The following TNFRSF10A variants were observed in gnomAD, a reference collection of about 807,000 sequenced individuals.
The protein encoded by TNFRSF10A is tumor necrosis factor receptor superfamily member 10A.
In TNFRSF10A, 44 loss-of-function variants were observed where a neutral mutation model predicts 42.8. The observed-to-expected ratio is 1.03, with a 90% CI of 0.81 to 1.32. TNFRSF10A has a LOEUF of 1.32. Ranked by LOEUF, TNFRSF10A falls within the 40% of genes most tolerant of loss-of-function variation. The pLI, the probability that TNFRSF10A is intolerant of heterozygous loss-of-function variation, is 0.00. For synonymous variants in TNFRSF10A, 259 were observed against 234.2 expected (o/e 1.11, Z -0.97); for missense variants, 680 against 602.0 (o/e 1.13, Z -1.36).
chr8:23,199,320 C>T lies in TNFRSF10A; in HGVS notation c.960G>A (p.Pro320=), dbSNP rs535712626. ...GTACAGTGACACCTGTCAAATCTGC[C>T]GGCTCCTGGCTTTCCATTTGCTGCT... ...VSEQQMESQE[P]ADLTGVTVQS... The change falls in exon 8 of 10, where the codon CCG becomes CCA. Residue 320 remains proline, a synonymous_variant. Coordinates refer to ENST00000221132, the MANE Select transcript of TNFRSF10A (RefSeq NM_003844.4). The T allele has an allele frequency of 5.2e-5, 84 of 1,614,182 alleles. No homozygotes were observed. The South Asian group carries it at 6.3e-4, about 12-fold the overall frequency.
intron 9 of TNFRSF10A, 95 bp downstream of exon 9, chr8:23,197,037 G>T: frequency 6.5e-7 from 1 of 1,530,062 alleles, no homozygotes; most frequent in Non-Finnish European, 9.1e-7. Flanking sequence ...GGCATGGAAT[G>T]CTCTGGAAGA....
At position 23,202,762 on chromosome 8, in the gene TNFRSF10A, C is replaced by A; in HGVS notation, c.404-1G>T. The stretch of plus-strand genomic sequence containing the variant: ...CCAGGATGTTCTGATCTATGAGATC[C>A]TGGGAAGGGAGAGAAAAGCCAATGA... On this transcript the variant is annotated splice_acceptor_variant, in intron 2 of 9. Coordinates refer to ENST00000221132, the MANE Select transcript of TNFRSF10A (RefSeq NM_003844.4). LOFTEE classifies it high-confidence loss of function. The A allele has an allele frequency of 6.2e-7, 1 of 1,605,624 alleles. No individual in the cohort carries two copies. Among genetic ancestry groups the A allele is most frequent in the Non-Finnish European group, 8.5e-7 (1 of 1,172,482 alleles).
chr8:23,192,415 C>T (rs1800769220), intron 9 of TNFRSF10A, among the ~76,000 whole-genome samples: 1 of 152,178 alleles, frequency 6.6e-6, no homozygotes, highest in Non-Finnish European at 1.5e-5. Flanking sequence ...CCAGGGTGGC[C>T]ACTTCTGCAT....
At chr8:23,218,064 G>T (rs573629151) in intron 1 of TNFRSF10A, among the ~76,000 whole-genome samples, 2 of 152,198 alleles carry the variant, frequency 1.3e-5, no homozygotes, top group Non-Finnish European at 2.9e-5. Flanking sequence ...GTTTGTGGGC[G>T]TCTGATTAAG....
At chr8:23,218,548 T>C (rs978750132) in intron 1 of TNFRSF10A, among the ~76,000 whole-genome samples, 5 of 152,166 alleles carry the variant, frequency 3.3e-5, no homozygotes, top group African/African-American at 1.2e-4. Context: ...ATCTGTCTTG[T>C]AGTCTCGGGC....
chr8:23,196,262 T>G (rs184676710), intron 9 of TNFRSF10A, among the ~76,000 whole-genome samples: 36 of 152,238 alleles, frequency 2.4e-4, no homozygotes, highest in Admixed American at 7.2e-4. Context: ...AGCGCTATCT[T>G]GGCTCACTGC....
chr8:23,192,164 C>T (rs1800764518), intron 9 of TNFRSF10A, 151 bp from the exon 10 acceptor site: 2 of 1,400,296 alleles, frequency 1.4e-6, no homozygotes, highest in Non-Finnish European at 1.9e-6. Flanking sequence ...ACCCACCTCC[C>T]ATCCACAGAG....
At chr8:23,222,275 T>A (rs1057043280) in intron 1 of TNFRSF10A, among the ~76,000 whole-genome samples, 4 of 152,164 alleles carry the variant, frequency 2.6e-5, no homozygotes, top group Non-Finnish European at 4.4e-5. Flanking sequence ...GATGAGCTCA[T>A]GTACCTAAAA....
intron 1 of TNFRSF10A, among the ~76,000 whole-genome samples, chr8:23,223,261 T>C (rs538825809): frequency 5.3e-5 from 8 of 151,972 alleles, no homozygotes; most frequent in Non-Finnish European, 1.2e-4. Flanking sequence ...GAGACGGGGT[T>C]TCACCGTGTT....
Position 23,190,738 on chromosome 8 carries a change from A to C in TNFRSF10A, c.*956T>G, listed in dbSNP as rs1277933515. On this transcript the variant is annotated 3_prime_UTR_variant, in exon 10 of 10. Transcript: ENST00000221132. ...CTTATTGGAGGAATTAATGCATCTG[A>C]TAATGGAGGTTGAGAAGTTCCACAA... 6.6e-6 allele frequency: 1 copy of C among 152,222 alleles called. No individual in the cohort carries two copies. Among genetic ancestry groups the C allele is most frequent in the African/African-American group, 2.4e-5 (1 of 41,460 alleles). The allele number at this position is 152,222 out of a possible 1,614,324, so 9.4% of individuals were successfully genotyped here. A position where few individuals can be genotyped will look rare whatever the true frequency, so the allele number is the denominator to read the frequency against.
intron 2 of TNFRSF10A, among the ~76,000 whole-genome samples, chr8:23,209,489 C>T (rs933058151): frequency 6.6e-6 from 1 of 152,246 alleles, no homozygotes; most frequent in African/African-American, 2.4e-5. Flanking sequence ...AGGAGGGGCG[C>T]TATACCTTGC....
rs115427000 is a variant in TNFRSF10A at position 23,215,101 on chromosome 8, G to C, written c.307-2889C>G. ...TGGAAATATCCACTCAAGTGTATAA[G>C]GGTGATGTGCGTTCTGTGGGTAGCT... On this transcript the variant is annotated intron_variant, in intron 1 of 9. Transcript: ENST00000221132. 8.2e-3 allele frequency among the ~76,000 whole-genome samples: 1,253 copies of C among 152,318 alleles called. 19 individuals carry two copies. Among genetic ancestry groups the C allele is most frequent in the African/African-American group, 0.028 (1,156 of 41,564 alleles).
chr8:23,192,894 CAA>C (rs569850909), intron 9 of TNFRSF10A, among the ~76,000 whole-genome samples: 1,643 of 152,210 alleles, frequency 0.011, 14 homozygotes, highest in Non-Finnish European at 0.017. Flanking sequence ...GCAAGCATCT[CAA>C]AAAAAGTAGC....
At chr8:23,223,360 T>C (rs1801283838) in intron 1 of TNFRSF10A, among the ~76,000 whole-genome samples, 1 of 152,234 alleles carries the variant, frequency 6.6e-6, no homozygotes, top group Admixed American at 6.5e-5. Context: ...CCACCGCGCC[T>C]GGCCTCAAGT....
chr8:23,223,317 G>A lies in TNFRSF10A; in HGVS notation c.306+1439C>T, dbSNP rs543588936. ...CCTGACCTCGTGATCCGCCCGCCTCGGCCTCCCAGAGTGCTGGGATTACAG... is the reference window on the plus strand; with the variant it reads ...CCTGACCTCGTGATCCGCCCGCCTCAGCCTCCCAGAGTGCTGGGATTACAG... On this transcript the variant is annotated intron_variant, in intron 1 of 9. Coordinates refer to ENST00000221132, the MANE Select transcript of TNFRSF10A (RefSeq NM_003844.4). Among the ~76,000 whole-genome samples, 14 of 152,142 alleles carry A rather than the reference G, an allele frequency of 9.2e-5. No homozygotes were observed. The South Asian group carries it at 2.9e-3, about 32-fold the overall frequency.
intron 2 of TNFRSF10A, chr8:23,207,489 A>G: frequency 2.8e-6 from 1 of 359,252 alleles, no homozygotes. Flanking sequence ...ATTAATACCA[A>G]TTATTCAGAA....
chr8:23,191,567 T>G lies in TNFRSF10A; in HGVS notation c.*127A>C. 1 of 1,365,898 alleles carries G rather than the reference T, an allele frequency of 7.3e-7. No individual in the cohort carries two copies. The highest frequency in any genetic ancestry group is 9.6e-7 in the Non-Finnish European group (1 of 1,038,504). The allele number at this position is 1,365,898 out of a possible 1,614,324, so 84.6% of individuals were successfully genotyped here. On this transcript the variant is annotated 3_prime_UTR_variant, in exon 10 of 10. Coordinates refer to ENST00000221132, the MANE Select transcript of TNFRSF10A (RefSeq NM_003844.4). The stretch of plus-strand genomic sequence containing the variant: ...CACCCGCCTCAGCCTCCCAAAGTGC[T>G]GGGATTACAGGCATGAGCCACTACA...
rs1230675054 is a variant in TNFRSF10A at position 23,190,600 on chromosome 8, T to C, written c.*1094A>G. 1.3e-5 allele frequency: 2 copies of C among 152,230 alleles called. No homozygotes were observed. Among genetic ancestry groups the C allele is most frequent in the Non-Finnish European group, 2.9e-5 (2 of 68,044 alleles). 9.4% of individuals were successfully genotyped at this position (152,230 alleles called of 1,614,324 possible). On this transcript the variant is annotated 3_prime_UTR_variant, in exon 10 of 10. Coordinates refer to ENST00000221132, the MANE Select transcript of TNFRSF10A (RefSeq NM_003844.4). ...CTTTAATTGTGACTTGAACTCAAGG[T>C]AAATAAATTAAATAATTAATAAATT... is the stretch of plus-strand genomic sequence containing the variant.
rs568935312 is a variant in TNFRSF10A at position 23,200,110 on chromosome 8, A to G, written c.800-193T>C. ...CGGGGAGCATAAAGGGAAGTAGGCT[A>G]AAAACAAACAAGTGGAACATCACTG... On this transcript the variant is annotated intron_variant, in intron 6 of 9. Transcript: ENST00000221132. Among the ~76,000 whole-genome samples, 46 of 152,316 alleles carry G rather than the reference A, an allele frequency of 3.0e-4. No individual in the cohort carries two copies. In the South Asian group the frequency reaches 6.0e-3, roughly 20 times the overall value.
Sources: gnomAD v4.1 joint callset for allele counts (sites outside exome capture counted in the v4.1 genomes callset) on GRCh38, gnomAD v4.1.1 for gene constraint, MANE v1.5 for transcripts, NCBI Gene and HGNC (gene_info 2026-07-23, HGNC 2026-07-21) for gene names.